The following PSMG4 variants were observed in gnomAD, a reference collection of about 807,000 sequenced individuals.
PSMG4 encodes the protein proteasome (prosome, macropain) assembly chaperone 4.
A neutral mutation model predicts 11.0 loss-of-function variants in PSMG4; 10 were observed. That is an observed-to-expected ratio of 0.91 (90% CI 0.56 to 1.54). The LOEUF (loss-of-function observed/expected upper bound fraction) is 1.54. Ranked by LOEUF, PSMG4 falls within the 40% of genes most tolerant of loss-of-function variation. The pLI, the probability that PSMG4 is intolerant of heterozygous loss-of-function variation, is 0.00. For missense variants in PSMG4, 198 were observed against 160.9 expected (o/e 1.23, Z -1.25); for synonymous variants, 95 against 71.3 (o/e 1.33, Z -1.68).
upstream of PSMG4, among the ~76,000 whole-genome samples, chr6:3,255,646 C>G (rs970696689): frequency 6.6e-6 from 1 of 152,196 alleles, no homozygotes; most frequent in South Asian, 2.1e-4. Context: ...CGCCCACAGA[C>G]AAACGAGTCC....
At chr6:3,259,557 T>C (rs1351059701) in intron 1 of PSMG4, among the ~76,000 whole-genome samples, 1 of 152,240 alleles carries the variant, frequency 6.6e-6, no homozygotes, top group Non-Finnish European at 1.5e-5. Flanking sequence ...TTGGGGACTC[T>C]TGCGTCTCCA....
At chr6:3,260,728 T>C (rs753731793) in intron 1 of PSMG4, among the ~76,000 whole-genome samples, 17 of 152,202 alleles carry the variant, frequency 1.1e-4, no homozygotes, top group Non-Finnish European at 2.4e-4. Flanking sequence ...CTTCAACATA[T>C]TTTTTGGGGA....
At chr6:3,260,248 C>T (rs1386324148) in intron 1 of PSMG4, among the ~76,000 whole-genome samples, 2 of 146,686 alleles carry the variant, frequency 1.4e-5, no homozygotes, top group Non-Finnish European at 3.0e-5. Flanking sequence ...AAGGGCCCAT[C>T]CTACTCCAGT....
chr6:3,257,224 AGT>A (rs1288710769), upstream of PSMG4, among the ~76,000 whole-genome samples: 1 of 152,040 alleles, frequency 6.6e-6, no homozygotes, highest in African/African-American at 2.4e-5. Context: ...AGTCAAGGGG[AGT>A]GAGAGAGGAC....
At chr6:3,254,529 A>G (rs13190845), upstream of PSMG4, among the ~76,000 whole-genome samples, 95,555 of 151,570 alleles carry the variant, frequency 0.63, 35,991 homozygotes, top group Non-Finnish European at 0.83. Context: ...AGCTGTAACA[A>G]TTATCTGGAA....
upstream of PSMG4, among the ~76,000 whole-genome samples, chr6:3,255,718 G>T (rs1276821660): frequency 1.3e-5 from 2 of 152,318 alleles, no homozygotes; most frequent in Middle Eastern, 3.4e-3. Flanking sequence ...CTGAAGAAGG[G>T]GTATTGGTAA....
rs1246761837 is a variant in PSMG4, at chr6:3,260,284, TATA to T, written c.174+1089_174+1091del. ...ATAACCTTGTCTTAAATTGTATATA[TATA>T]TATATTTTTTTTTTTTTTTTTTGAA... On this transcript the variant is annotated intron_variant, in intron 1 of 2. Coordinates refer to ENST00000438998, the MANE Select transcript of PSMG4 (RefSeq NM_001128591.2). Among the ~76,000 whole-genome samples, 761 of 84,782 alleles carry T rather than the reference TATA, an allele frequency of 9.0e-3. 24 individuals are homozygous for T. The highest frequency in any genetic ancestry group is 0.027 in the African/African-American group (648 of 24,014). The allele number at this position is 84,782 out of a possible 152,430, so 55.6% of individuals were successfully genotyped here. A position where few individuals can be genotyped will look rare whatever the true frequency, so the allele number is the denominator to read the frequency against.
intron 2 of PSMG4, 96 bp from the exon 3 acceptor site, chr6:3,267,495 C>G (rs954401852): frequency 1.4e-6 from 2 of 1,412,900 alleles, no homozygotes; most frequent in Non-Finnish European, 1.9e-6. Flanking sequence ...CAACCCCATC[C>G]TCTTTCTGAG....
In PSMG4 at chr6:3,268,001, T is replaced by C. The variant is rs556778384; in HGVS notation, c.*289T>C. 31 of 288,542 alleles carry C rather than the reference T, an allele frequency of 1.1e-4. No homozygotes were observed. The highest frequency in any genetic ancestry group is 1.9e-4 in the Non-Finnish European group (28 of 150,502). 17.9% of individuals were successfully genotyped at this position (288,542 alleles called of 1,614,324 possible). Reference sequence around the variant, plus strand: ...GTAATCTAAGAGTTTCAATCAGACATGACTGTGACGTGCATCCTCAATTAG... The same window carrying C: ...GTAATCTAAGAGTTTCAATCAGACACGACTGTGACGTGCATCCTCAATTAG... On this transcript the variant is annotated 3_prime_UTR_variant, in exon 3 of 3. Coordinates refer to ENST00000438998, the MANE Select transcript of PSMG4 (RefSeq NM_001128591.2).
intron 1 of PSMG4, among the ~76,000 whole-genome samples, chr6:3,260,471 T>C (rs1474237830): frequency 6.6e-6 from 1 of 151,730 alleles, no homozygotes; most frequent in Non-Finnish European, 1.5e-5. Context: ...GTAGTTTCAG[T>C]AGAGCTGAGG....
At chr6:3,256,291 G>A (rs1344611963), upstream of PSMG4, among the ~76,000 whole-genome samples, 1 of 152,190 alleles carries the variant, frequency 6.6e-6, no homozygotes, top group Non-Finnish European at 1.5e-5. Context: ...ATATATCCCA[G>A]TTATACATTT....
At chr6:3,258,102 C>A (rs147932917), upstream of PSMG4, among the ~76,000 whole-genome samples, 2 of 152,140 alleles carry the variant, frequency 1.3e-5, no homozygotes, top group Non-Finnish European at 2.9e-5. Flanking sequence ...TCTCTTAACC[C>A]ATCAAGGCTT....
chr6:3,254,958 G>A, upstream of PSMG4: 6 of 1,383,566 alleles, frequency 4.3e-6, no homozygotes, highest in Non-Finnish European at 5.8e-6. Flanking sequence ...GTTGGGTGTT[G>A]CAGAGCATGT....
chr6:3,262,451 G>GT (rs1173437854), intron 1 of PSMG4, among the ~76,000 whole-genome samples: 1 of 152,172 alleles, frequency 6.6e-6, no homozygotes, highest in Non-Finnish European at 1.5e-5. Flanking sequence ...TTTTTGTATC[G>GT]TTTTTAGTGA....
chr6:3,259,231 G>A (rs908913426), intron 1 of PSMG4, 35 bp downstream of exon 1: 12 of 1,256,430 alleles, frequency 9.6e-6, no homozygotes, highest in Non-Finnish European at 1.2e-5. Context: ...CGGGCGGCGG[G>A]GCGGGGGCGC....
intron 1 of PSMG4, among the ~76,000 whole-genome samples, chr6:3,261,979 C>T (rs1417281522): frequency 6.6e-6 from 1 of 152,244 alleles, no homozygotes; most frequent in African/African-American, 2.4e-5. Flanking sequence ...CTCTTCCCTC[C>T]AGCTTCCCTA....
At chr6:3,261,263 C>T (rs1757980444) in intron 1 of PSMG4, among the ~76,000 whole-genome samples, 1 of 152,082 alleles carries the variant, frequency 6.6e-6, no homozygotes. Flanking sequence ...CCTGGAGGGT[C>T]CTGGCAGTGG....
chr6:3,256,793 G>C (rs1176656072), upstream of PSMG4, among the ~76,000 whole-genome samples: 1 of 152,236 alleles, frequency 6.6e-6, no homozygotes, highest in African/African-American at 2.4e-5. Context: ...TTCATAGTCT[G>C]CCTCCATCAG....
intron 2 of PSMG4, chr6:3,264,868 CTG>C (rs1758123597): frequency 1.3e-5 from 2 of 157,814 alleles, no homozygotes; most frequent in South Asian, 3.8e-4. Context: ...CCTTTTGTGT[CTG>C]TGTCACTCTG....
Sources: allele counts gnomAD v4.1 joint callset (sites outside exome capture counted in the v4.1 genomes callset), GRCh38; gene constraint gnomAD v4.1.1; transcripts MANE v1.5; gene names NCBI Gene and HGNC (gene_info 2026-07-23, HGNC 2026-07-21).